The following NRG3 variants were observed in gnomAD, a reference collection of about 807,000 sequenced individuals.
NRG3 encodes the protein neuregulin 3, also known as pro-neuregulin-3, membrane-bound isoform.
Under a neutral mutation model 66.9 loss-of-function variants are expected in NRG3, and 31 were observed. That is an observed-to-expected ratio of 0.46 (90% CI 0.35 to 0.63). The LOEUF (loss-of-function observed/expected upper bound fraction) is 0.63, where lower values mean the gene tolerates loss of function less well. Ranked by LOEUF, NRG3 falls within the 20% of genes least tolerant of loss-of-function variation. NRG3 has a pLI of 0.00. For synonymous variants in NRG3, 393 were observed against 359.4 expected (o/e 1.09, Z -1.06); for missense variants, 910 against 878.9 (o/e 1.04, Z -0.45).
intron 3 of NRG3, among the ~76,000 whole-genome samples, chr10:82,769,305 A>G (rs930701633): frequency 1.3e-5 from 2 of 152,066 alleles, no homozygotes; most frequent in Non-Finnish European, 2.9e-5. Context: ...GTACTTACAT[A>G]TTCTAAATGT....
chr10:82,527,206 TACA>T (rs1276132790), intron 2 of NRG3, among the ~76,000 whole-genome samples: 1 of 151,400 alleles, frequency 6.6e-6, no homozygotes, highest in Non-Finnish European at 1.5e-5. Flanking sequence ...ATGGAGAAAA[TACA>T]ACATCTACAG....
intron 3 of NRG3, among the ~76,000 whole-genome samples, chr10:82,833,258 C>T (rs1409418568): frequency 6.6e-6 from 1 of 152,112 alleles, no homozygotes; most frequent in African/African-American, 2.4e-5. Context: ...GATGTTGTCA[C>T]TCTCTCTGTT....
In NRG3 at chr10:82,453,958, T is replaced by G. The variant is rs557709198; in HGVS notation, c.953+95090T>G. On this transcript the variant is annotated intron_variant, in intron 2 of 8. Coordinates refer to ENST00000372141, the MANE Select transcript of NRG3 (RefSeq NM_001010848.4). The stretch of plus-strand genomic sequence containing the variant: ...TATATAAAGTTCCACAGTGAGATAG[T>G]CATAAAATTGGAACTGGAACTCAGG... Among the ~76,000 whole-genome samples the G allele has an allele frequency of 1.3e-4, 20 of 152,306 alleles. No homozygotes were observed. The East Asian group carries it at 3.5e-3, about 26-fold the overall frequency.
At chr10:81,971,858 T>C (rs1295951059) in intron 1 of NRG3, among the ~76,000 whole-genome samples, 1 of 152,196 alleles carries the variant, frequency 6.6e-6, no homozygotes, top group Admixed American at 6.5e-5. Flanking sequence ...GGTAGATACA[T>C]TATGACAGAA....
At chr10:82,153,315 CTTAGT>C (rs540024619) in intron 1 of NRG3, among the ~76,000 whole-genome samples, 98 of 151,834 alleles carry the variant, frequency 6.5e-4, no homozygotes, top group African/African-American at 2.1e-3. Flanking sequence ...TGTCTCTGTA[CTTAGT>C]TTATTTTACT....
intron 4 of NRG3, among the ~76,000 whole-genome samples, chr10:82,880,477 T>C (rs1038016110): frequency 5.3e-5 from 8 of 152,352 alleles, no homozygotes; most frequent in African/African-American, 1.9e-4. Flanking sequence ...GTAAAAGTAA[T>C]ATGCCCAACT....
intron 2 of NRG3, among the ~76,000 whole-genome samples, chr10:82,575,006 T>A (rs2045949872): frequency 6.6e-6 from 1 of 151,728 alleles, no homozygotes; most frequent in Non-Finnish European, 1.5e-5. Flanking sequence ...AGATCTATTG[T>A]GCAACAGGGT....
intron 2 of NRG3, among the ~76,000 whole-genome samples, chr10:82,642,099 G>A (rs985371909): frequency 3.9e-5 from 6 of 151,980 alleles, no homozygotes; most frequent in Non-Finnish European, 5.9e-5. Flanking sequence ...GAGAACATGC[G>A]GTACTTTCTG....
At chr10:82,218,128 A>T (rs886473689) in intron 1 of NRG3, among the ~76,000 whole-genome samples, 9 of 152,224 alleles carry the variant, frequency 5.9e-5, no homozygotes, top group African/African-American at 2.2e-4. Context: ...TTTAATCTAC[A>T]TGTGAGATAT....
At chr10:82,716,817 A>T (rs2057000314) in intron 2 of NRG3, among the ~76,000 whole-genome samples, 1 of 152,236 alleles carries the variant, frequency 6.6e-6, no homozygotes, top group African/African-American at 2.4e-5. Flanking sequence ...TAAATGATCC[A>T]TAAAGAGCAA....
At chr10:82,965,266 A>G (rs1231202688) in intron 6 of NRG3, among the ~76,000 whole-genome samples, 2 of 152,172 alleles carry the variant, frequency 1.3e-5, no homozygotes, top group Non-Finnish European at 1.5e-5. Context: ...TCAAGGAAAT[A>G]ACATAGAATC....
intron 2 of NRG3, among the ~76,000 whole-genome samples, chr10:82,568,755 C>T (rs2045562337): frequency 6.6e-6 from 1 of 151,754 alleles, no homozygotes; most frequent in Non-Finnish European, 1.5e-5. Context: ...GCTTTACCTC[C>T]TTATAACACG....
At chr10:82,907,546 T>G (rs1471718507) in intron 4 of NRG3, among the ~76,000 whole-genome samples, 1 of 152,196 alleles carries the variant, frequency 6.6e-6, no homozygotes, top group Non-Finnish European at 1.5e-5. Context: ...GGATATTAAT[T>G]TATCATCAAT....
intron 2 of NRG3, among the ~76,000 whole-genome samples, chr10:82,516,748 C>T (rs180952290): frequency 1.0e-3 from 157 of 152,156 alleles, no homozygotes; most frequent in Middle Eastern, 0.01. Context: ...TTTCCAGATT[C>T]ATTATGTATT....
At chr10:82,799,066 A>T (rs2060919674) in intron 3 of NRG3, among the ~76,000 whole-genome samples, 1 of 152,234 alleles carries the variant, frequency 6.6e-6, no homozygotes, top group Admixed American at 6.5e-5. Flanking sequence ...GTAGTCAAGC[A>T]GTCTGCCAAT....
intron 1 of NRG3, among the ~76,000 whole-genome samples, chr10:82,308,603 A>AT (rs2080868319): frequency 6.6e-6 from 1 of 152,176 alleles, no homozygotes. Context: ...CAGAAAAATT[A>AT]TAGGGAAAAA....
chr10:82,582,400 CCA>C (rs1401061973), intron 2 of NRG3, among the ~76,000 whole-genome samples: 1 of 152,032 alleles, frequency 6.6e-6, no homozygotes, highest in Non-Finnish European at 1.5e-5. Context: ...CAGGGACCTG[CCA>C]CAGTTTCTCC....
At chr10:82,303,578 T>C (rs1254679331) in intron 1 of NRG3, among the ~76,000 whole-genome samples, 2 of 152,114 alleles carry the variant, frequency 1.3e-5, no homozygotes, top group South Asian at 4.1e-4. Context: ...ATAAATGCGC[T>C]GGGTAAATGT....
Position 81,875,757 on chromosome 10 carries a change from C to G in NRG3, c.417C>G (p.Thr139=), listed in dbSNP as rs1309799565. 6.2e-7 allele frequency: 1 copy of G among 1,612,368 alleles called. No individual in the cohort carries two copies. The highest frequency in any genetic ancestry group is 1.3e-5 in the African/African-American group (1 of 74,924). Residue 139 remains threonine (T), a synonymous_variant, in exon 1 of 9, where the codon ACC becomes ACG. Transcript: ENST00000372141. This position sits in a 1 kb window ranked among gnomAD's most constrained non-coding sequence, Gnocchi z 5.3. The part of the protein sequence containing the change: ...TTTTSTTSPA[T]PSAGGAASSR... ...CCACTTCCACCACGTCCCCCGCCAC[C>G]CCCTCCGCCGGGGGTGCCGCCTCCT...
Sources: gnomAD v4.1 joint callset for allele counts (sites outside exome capture counted in the v4.1 genomes callset) on GRCh38, gnomAD v4.1.1 for gene constraint, Gnocchi (gnomAD v3.1) non-coding constraint, MANE v1.5 for transcripts, NCBI Gene and HGNC (gene_info 2026-07-23, HGNC 2026-07-21) for gene names.